TUSC3: variants seen among roughly 807,000 people sequenced by gnomAD.
TUSC3 encodes dolichyl-diphosphooligosaccharide--protein glycosyltransferase subunit TUSC3.
A neutral mutation model predicts 44.8 loss-of-function variants in TUSC3; 45 were observed. The ratio of observed to expected loss-of-function variants is 1.00; its 90% CI spans 0.79 to 1.29. The LOEUF (loss-of-function observed/expected upper bound fraction) is 1.29. TUSC3 is among the 50% of genes most tolerant of loss of function. The probability of loss-of-function intolerance (pLI) is 0.00; values close to 1 mark genes in which losing one functional copy is unlikely to be tolerated. For missense variants in TUSC3, 519 were observed against 437.9 expected, an observed-to-expected ratio of 1.19 and a Z score of -1.65; for synonymous variants, 212 against 152.9, an observed-to-expected ratio of 1.39 and a Z score of -2.85.
chr8:15,841,192 C>T, the TUSC3 span, among the ~76,000 whole-genome samples: 1 of 151,944 alleles, frequency 6.6e-6, no homozygotes, highest in Non-Finnish European at 1.5e-5. Flanking sequence ...TACACACACA[C>T]ATATATACAT....
At chr8:15,615,753 G>C (rs1325063603) in intron 1 of TUSC3, among the ~76,000 whole-genome samples, 1 of 152,006 alleles carries the variant, frequency 6.6e-6, no homozygotes, top group Non-Finnish European at 1.5e-5. Flanking sequence ...ATTATTGCCT[G>C]TCAACTGAAA....
At chr8:15,793,636 C>T in the TUSC3 span, among the ~76,000 whole-genome samples, 1 of 152,158 alleles carries the variant, frequency 6.6e-6, no homozygotes, top group East Asian at 1.9e-4. Flanking sequence ...TATTTATTTA[C>T]ATAATGTATA....
intron 9 of TUSC3, among the ~76,000 whole-genome samples, chr8:15,751,462 ATATATAC>A (rs1308606640): frequency 6.6e-6 from 1 of 151,934 alleles, no homozygotes; most frequent in Non-Finnish European, 1.5e-5. Flanking sequence ...GCTCCCACCT[ATATATAC>A]TACCGGTTCT....
the TUSC3 span, among the ~76,000 whole-genome samples, chr8:15,832,040 G>C: frequency 1.3e-5 from 2 of 152,154 alleles, no homozygotes; most frequent in African/African-American, 4.8e-5. Flanking sequence ...AAGGGAGCTA[G>C]AGAGAAAGGT....
chr8:15,484,562 C>G (rs1296707386), intron 2 of TUSC3, among the ~76,000 whole-genome samples: 1 of 152,240 alleles, frequency 6.6e-6, no homozygotes, highest in Non-Finnish European at 1.5e-5. Context: ...CTATCTCTTT[C>G]TCATTCCGGT....
chr8:15,431,327 A>G (rs886366101), intron 1 of TUSC3, among the ~76,000 whole-genome samples: 2 of 151,768 alleles, frequency 1.3e-5, no homozygotes, highest in Non-Finnish European at 2.9e-5. Context: ...ATGAACACAT[A>G]TATCTATCTA....
chr8:15,731,864 C>G (rs1029078648), intron 7 of TUSC3, among the ~76,000 whole-genome samples: 1 of 152,116 alleles, frequency 6.6e-6, no homozygotes. Context: ...TTTATTCAAG[C>G]AACCTATTTT....
At chr8:15,476,956 G>C (rs896386340) in intron 1 of TUSC3, among the ~76,000 whole-genome samples, 1 of 152,180 alleles carries the variant, frequency 6.6e-6, no homozygotes, top group Non-Finnish European at 1.5e-5. Context: ...CTAAAGTGAA[G>C]TTACAAAGTT....
chr8:15,434,475 G>T (rs1346895378), intron 1 of TUSC3, among the ~76,000 whole-genome samples: 1 of 147,764 alleles, frequency 6.8e-6, no homozygotes, highest in Non-Finnish European at 1.5e-5. Flanking sequence ...AATGGGACTA[G>T]TTGTTTTATT....
At chr8:15,658,007 C>T (rs1807251507) in intron 3 of TUSC3, among the ~76,000 whole-genome samples, 1 of 152,194 alleles carries the variant, frequency 6.6e-6, no homozygotes, top group African/African-American at 2.4e-5. Flanking sequence ...TATAATAGCA[C>T]TCATCCCACC....
intron 2 of TUSC3, among the ~76,000 whole-genome samples, chr8:15,484,304 C>G (rs1351535186): frequency 6.6e-6 from 1 of 152,170 alleles, no homozygotes; most frequent in Non-Finnish European, 1.5e-5. Flanking sequence ...CCCAGGAAGC[C>G]TTGTGTTATC....
In TUSC3 at chr8:15,550,796, C is replaced by T. The variant is rs548089520; in HGVS notation, c.138+10228C>T. ...AAGTGATTCTCGTGCCTCAGCCTCC[C>T]GAGTAGCTGGGATTACAAGCGTGCA... is the stretch of plus-strand genomic sequence containing the variant. On this transcript the variant is annotated intron_variant, in intron 1 of 10. Coordinates refer to ENST00000503731, the MANE Select transcript of TUSC3 (RefSeq NM_006765.4). Among the ~76,000 whole-genome samples the T allele has an allele frequency of 8.6e-5, 13 of 151,654 alleles. 1 individual carries two copies. Among genetic ancestry groups the T allele is most frequent in the Admixed American group, 2.0e-4 (3 of 15,170 alleles).
chr8:15,656,881 G>T (rs572129678), intron 3 of TUSC3, among the ~76,000 whole-genome samples: 2 of 152,306 alleles, frequency 1.3e-5, no homozygotes, highest in South Asian at 4.1e-4. Context: ...CAGAGCTAGT[G>T]CCCAGAATGC....
chr8:15,514,176 G>A (rs1205627432), intron 2 of TUSC3, among the ~76,000 whole-genome samples: 1 of 152,144 alleles, frequency 6.6e-6, no homozygotes, highest in Non-Finnish European at 1.5e-5. Context: ...TTAAGGGAGT[G>A]TTGTGCTCTA....
At chr8:15,830,453 T>TGCACAAAAA in the TUSC3 span, among the ~76,000 whole-genome samples, 1 of 152,180 alleles carries the variant, frequency 6.6e-6, no homozygotes, top group East Asian at 1.9e-4. Flanking sequence ...AAAAGACACC[T>TGCACAAAAA]GCACTTGTAT....
chr8:15,617,132 G>GTGTGTGTGTGTGTT (rs375212684), intron 1 of TUSC3, among the ~76,000 whole-genome samples: 1 of 77,614 alleles, frequency 1.3e-5, no homozygotes, highest in Non-Finnish European at 2.9e-5. Flanking sequence ...GTGTGTGTGT[G>GTGTGTGTGTGTGTT]TATATATTTT....
At chr8:15,686,145 A>T (rs539356223) in intron 6 of TUSC3, among the ~76,000 whole-genome samples, 1 of 152,342 alleles carries the variant, frequency 6.6e-6, no homozygotes, top group Non-Finnish European at 1.5e-5. Flanking sequence ...ACACAAAAGC[A>T]GTCATTATTG....
In TUSC3 at chr8:15,554,600, A is replaced by ATTT. The variant is rs376264004; in HGVS notation, c.138+14050_138+14052dup. On this transcript the variant is annotated intron_variant, in intron 1 of 10. Coordinates refer to ENST00000503731, the MANE Select transcript of TUSC3 (RefSeq NM_006765.4). The stretch of plus-strand genomic sequence containing the variant: ...CTGTTGACTTTTGCATTTTACTATA[A>ATTT]TTTTTTTTTTTTTTTTTTTTGAGAT... Among the ~76,000 whole-genome samples the ATTT allele has an allele frequency of 9.1e-3, 1,011 of 111,620 alleles. 54 individuals carry two copies. The highest frequency in any genetic ancestry group is 0.027 in the African/African-American group (829 of 30,194). The allele number at this position is 111,620 out of a possible 152,430, so 73.2% of individuals were successfully genotyped here. A position where few individuals can be genotyped will look rare whatever the true frequency, so the allele number is the denominator to read the frequency against.
chr8:15,531,795 C>G (rs572042937), intron 2 of TUSC3, among the ~76,000 whole-genome samples: 1 of 152,146 alleles, frequency 6.6e-6, no homozygotes, highest in Non-Finnish European at 1.5e-5. Context: ...CTCAATTATA[C>G]GGTATACTTA....
Sources: gnomAD v4.1 joint callset for allele counts (sites outside exome capture counted in the v4.1 genomes callset) on GRCh38, gnomAD v4.1.1 for gene constraint, MANE v1.5 for transcripts, NCBI Gene and HGNC (gene_info 2026-07-23, HGNC 2026-07-21) for gene names.